The following PIEZO2 variants were observed in gnomAD, a reference collection of about 807,000 sequenced individuals.
The protein encoded by PIEZO2 is piezo-type mechanosensitive ion channel component 2.
In PIEZO2, 172 loss-of-function variants were observed where a neutral mutation model predicts 337.3. The observed-to-expected ratio is 0.51, with a 90% CI of 0.45 to 0.58. The LOEUF (loss-of-function observed/expected upper bound fraction) is 0.58. PIEZO2 is among the 20% of genes least tolerant of loss of function. The pLI, the probability that PIEZO2 is intolerant of heterozygous loss-of-function variation, is 0.00. For missense variants in PIEZO2, 3,028 were observed against 3,391.3 expected (o/e 0.89, Z 2.66); for synonymous variants, 1,251 against 1,228.5 (o/e 1.02, Z -0.38).
At chr18:10,950,590 A>G (rs1203697275) in intron 3 of PIEZO2, among the ~76,000 whole-genome samples, 1 of 152,192 alleles carries the variant, frequency 6.6e-6, no homozygotes, top group Non-Finnish European at 1.5e-5. Flanking sequence ...GGCTTTATCT[A>G]TTTCCAGTAT....
chr18:10,840,661 G>T (rs2041162268), intron 7 of PIEZO2, among the ~76,000 whole-genome samples: 2 of 151,982 alleles, frequency 1.3e-5, no homozygotes, highest in South Asian at 4.2e-4. Context: ...CCACCTCTCA[G>T]AAAATATGTA....
At chr18:11,049,958 G>T (rs1413059487) in intron 2 of PIEZO2, among the ~76,000 whole-genome samples, 2 of 152,054 alleles carry the variant, frequency 1.3e-5, no homozygotes, top group Non-Finnish European at 2.9e-5. Context: ...AAAAGCTTGG[G>T]GCTTCTGAAA....
At chr18:10,897,793 A>AAT (rs754899465) in intron 4 of PIEZO2, among the ~76,000 whole-genome samples, 5 of 152,232 alleles carry the variant, frequency 3.3e-5, no homozygotes, top group Non-Finnish European at 7.3e-5. Context: ...GTAACTATTT[A>AAT]ATATATCCCT....
Position 11,084,404 on chromosome 18 carries a change from G to A in PIEZO2, c.65-18182C>T, listed in dbSNP as rs189326029. Among the ~76,000 whole-genome samples the A allele has an allele frequency of 1.8e-3, 279 of 152,208 alleles. 1 individual carries two copies. The highest frequency in any genetic ancestry group is 6.3e-3 in the African/African-American group (261 of 41,522). On this transcript the variant is annotated intron_variant, in intron 1 of 55. Coordinates refer to ENST00000674853, the MANE Select transcript of PIEZO2 (RefSeq NM_001378183.1). ...GTTCCAGTACAGTCCTGTGAAGTAC[G>A]AACTGGCATCATTCTTCTTTCAGGG...
intron 3 of PIEZO2, among the ~76,000 whole-genome samples, chr18:10,923,720 C>T (rs930513034): frequency 9.8e-5 from 15 of 152,300 alleles, no homozygotes; most frequent in African/African-American, 3.4e-4. Flanking sequence ...CCATGGTGCT[C>T]ATCTCCCTCT....
At chr18:11,066,776 T>G (rs2145920723) in intron 1 of PIEZO2, among the ~76,000 whole-genome samples, 1 of 152,326 alleles carries the variant, frequency 6.6e-6, no homozygotes, top group South Asian at 2.1e-4. Context: ...ATTTTTATAT[T>G]TTTAGTAGAG....
At chr18:10,922,558 C>T (rs1354043313) in intron 3 of PIEZO2, among the ~76,000 whole-genome samples, 2 of 151,944 alleles carry the variant, frequency 1.3e-5, no homozygotes, top group African/African-American at 4.8e-5. Flanking sequence ...TTCCAGATTC[C>T]TTAGTAGCTG....
rs1412507487 is a variant in PIEZO2, at chr18:10,763,008, C to T, written c.3037G>A (p.Val1013Ile). 1 of 1,537,330 alleles carries T rather than the reference C, an allele frequency of 6.5e-7. No individual in the cohort carries two copies. The highest frequency in any genetic ancestry group is 2.0e-5 in the Admixed American group (1 of 51,014). The change falls in exon 22 of 56, where the codon GTC (valine) becomes ATC (isoleucine). Residue 1013 changes from valine to isoleucine, a missense_variant. Val to Ile is a conservative substitution (Grantham distance 29, BLOSUM62 3). Coordinates refer to ENST00000674853, the MANE Select transcript of PIEZO2 (RefSeq NM_001378183.1). ...CAGACGATGATCACACACGTCCAGA[C>T]TGTGCAGACACTTGAAGCCAGACGG... ...LRRLASSVCTVWTCVIIVCKM... is the reference protein window; with the variant it reads ...LRRLASSVCTIWTCVIIVCKM...
intron 3 of PIEZO2, among the ~76,000 whole-genome samples, chr18:10,955,640 G>C (rs2033485318): frequency 6.6e-6 from 1 of 152,236 alleles, no homozygotes; most frequent in African/African-American, 2.4e-5. Context: ...GCTAACACAG[G>C]GGTACCATGT....
At chr18:10,947,330 G>A (rs568132490) in intron 3 of PIEZO2, among the ~76,000 whole-genome samples, 7 of 152,158 alleles carry the variant, frequency 4.6e-5, no homozygotes, top group South Asian at 4.2e-4. Context: ...CTAAAACCAC[G>A]GAGGCCAGAA....
intron 49 of PIEZO2, among the ~76,000 whole-genome samples, chr18:10,686,608 G>A (rs1196627538): frequency 6.6e-6 from 1 of 152,208 alleles, no homozygotes; most frequent in East Asian, 1.9e-4. Flanking sequence ...AACAGACACT[G>A]AGCTTGCCAT....
At chr18:10,703,904 T>C (rs1779919263) in intron 42 of PIEZO2, among the ~76,000 whole-genome samples, 1 of 152,168 alleles carries the variant, frequency 6.6e-6, no homozygotes, top group South Asian at 2.1e-4. Context: ...AAATGAAAAG[T>C]ATGTATGATG....
At chr18:11,095,370 T>C (rs1358592881) in intron 1 of PIEZO2, among the ~76,000 whole-genome samples, 1 of 152,144 alleles carries the variant, frequency 6.6e-6, no homozygotes, top group Non-Finnish European at 1.5e-5. Context: ...GACTCAGTGT[T>C]TTGGAATCAC....
At chr18:11,014,327 T>A (rs111455557) in intron 2 of PIEZO2, among the ~76,000 whole-genome samples, 1 of 35,174 alleles carries the variant, frequency 2.8e-5, no homozygotes, top group African/African-American at 1.0e-4. Flanking sequence ...GATCCGGGGC[T>A]CCCTCATTCC....
Position 11,143,415 on chromosome 18 carries a change from TTAAA to T in PIEZO2, c.64+5106_64+5109del, listed in dbSNP as rs1382957872. Among the ~76,000 whole-genome samples the T allele has an allele frequency of 4.6e-5, 7 of 152,060 alleles. No homozygotes were observed. The highest frequency in any genetic ancestry group is 1.7e-4 in the African/African-American group (7 of 41,416). The stretch of plus-strand genomic sequence containing the variant: ...ATGACATGTTAGAAATAAAATCACA[TTAAA>T]TAAAGACTACAAAAATGGTGCTGAA... On this transcript the variant is annotated intron_variant, in intron 1 of 55. Transcript: ENST00000674853. The surrounding 1 kb of genome is among the most constrained non-coding windows in gnomAD (Gnocchi z 4.9).
intron 28 of PIEZO2, among the ~76,000 whole-genome samples, chr18:10,751,346 C>T (rs1212317308): frequency 6.6e-6 from 1 of 152,172 alleles, no homozygotes; most frequent in Non-Finnish European, 1.5e-5. Context: ...CAGCCTCTGG[C>T]AACAGATTCC....
chr18:11,014,470 G>C (rs2036017624), intron 2 of PIEZO2, among the ~76,000 whole-genome samples: 1 of 150,382 alleles, frequency 6.6e-6, no homozygotes, highest in Non-Finnish European at 1.5e-5. Context: ...GTCACCCTGG[G>C]TGGGACAGCG....
chr18:10,831,320 C>A (rs895954172), intron 7 of PIEZO2, among the ~76,000 whole-genome samples: 1 of 152,174 alleles, frequency 6.6e-6, no homozygotes, highest in Non-Finnish European at 1.5e-5. Context: ...GTGGTACTTA[C>A]ACACAATGGT....
At chr18:10,974,381 A>AG (rs2034359449) in intron 3 of PIEZO2, among the ~76,000 whole-genome samples, 1 of 152,216 alleles carries the variant, frequency 6.6e-6, no homozygotes, top group Non-Finnish European at 1.5e-5. Flanking sequence ...AATGCATCTG[A>AG]GGGGGCTAAC....
Sources: allele counts gnomAD v4.1 joint callset (sites outside exome capture counted in the v4.1 genomes callset), GRCh38; gene constraint gnomAD v4.1.1; non-coding constraint Gnocchi (gnomAD v3.1); transcripts MANE v1.5; gene names NCBI Gene and HGNC (gene_info 2026-07-23, HGNC 2026-07-21).